The following DUSP13B variants were observed in gnomAD, a reference collection of about 807,000 sequenced individuals.
DUSP13B encodes the protein dual specificity protein phosphatase 13B.
chr10:75,101,747 G>A, the DUSP13B span: 43 of 604,038 alleles, frequency 7.1e-5, no homozygotes, highest in Admixed American at 1.9e-4. Flanking sequence ...TGACCCAGTC[G>A]GTTCTCTACC....
At chr10:75,101,862 C>G in the DUSP13B span, 3 of 1,366,202 alleles carry the variant, frequency 2.2e-6, no homozygotes, top group East Asian at 9.1e-5. Flanking sequence ...GGAGCACTCA[C>G]CCACCTGTGG....
the DUSP13B span, among the ~76,000 whole-genome samples, chr10:75,104,713 C>G: frequency 6.6e-6 from 1 of 152,166 alleles, no homozygotes; most frequent in Non-Finnish European, 1.5e-5. Flanking sequence ...AGCTATAACC[C>G]AAAGTTTCTT....
the DUSP13B span, among the ~76,000 whole-genome samples, chr10:75,106,301 C>T: frequency 6.6e-6 from 1 of 151,860 alleles, no homozygotes; most frequent in Non-Finnish European, 1.5e-5. Flanking sequence ...GATTGTCCCT[C>T]CCCCACCTTC....
At chr10:75,099,012 C>T in the DUSP13B span, 1 of 1,232,278 alleles carries the variant, frequency 8.1e-7, no homozygotes. Flanking sequence ...GCCTACAGGC[C>T]CTGGGTTTTC....
chr10:75,095,460 G>A, the DUSP13B span: 47,398 of 903,998 alleles, frequency 0.052, 2,457 homozygotes, highest in South Asian at 0.21. Flanking sequence ...TATGGAGTGG[G>A]AGGGTTACTG....
chr10:75,101,119 G>T, the DUSP13B span, among the ~76,000 whole-genome samples: 2 of 152,192 alleles, frequency 1.3e-5, no homozygotes, highest in Non-Finnish European at 2.9e-5. Flanking sequence ...GGTGGCGTGT[G>T]GCTGCCAGTG....
the DUSP13B span, chr10:75,095,690 A>G: frequency 6.2e-7 from 1 of 1,614,212 alleles, no homozygotes; most frequent in Non-Finnish European, 8.5e-7. Flanking sequence ...GGGACATTCC[A>G]CGGTAGAATT....
chr10:75,097,806 T>A, the DUSP13B span: 1 of 1,613,932 alleles, frequency 6.2e-7, no homozygotes, highest in South Asian at 1.1e-5. Flanking sequence ...GAAGCCAATG[T>A]GGGCGGCTGG....
the DUSP13B span, among the ~76,000 whole-genome samples, chr10:75,108,755 T>C: frequency 6.6e-6 from 1 of 152,160 alleles, no homozygotes; most frequent in African/African-American, 2.4e-5. Flanking sequence ...TTGACAGTTG[T>C]CCTGGAAATG....
the DUSP13B span, chr10:75,098,976 G>A: frequency 8.1e-7 from 1 of 1,232,076 alleles, no homozygotes; most frequent in Non-Finnish European, 1.0e-6. Context: ...CCTCAAGGGA[G>A]CCTGGTACTG....
At chr10:75,094,758 C>A in the DUSP13B span, 1 of 1,614,142 alleles carries the variant, frequency 6.2e-7, no homozygotes, top group Admixed American at 1.7e-5. Context: ...GCAGATATTG[C>A]GGTGGGCCTG....
At chr10:75,108,504 C>G in the DUSP13B span, among the ~76,000 whole-genome samples, 1 of 152,194 alleles carries the variant, frequency 6.6e-6, no homozygotes, top group Non-Finnish European at 1.5e-5. Flanking sequence ...GCCCTGGAAC[C>G]TGGCTGCCCC....
chr10:75,105,778 C>T, the DUSP13B span: 106 of 1,551,498 alleles, frequency 6.8e-5, 1 homozygote, highest in Middle Eastern at 8.0e-4. Flanking sequence ...CACCGCCTGG[C>T]GCAGGGACAG....
At chr10:75,095,970 T>A in the DUSP13B span, among the ~76,000 whole-genome samples, 1 of 152,194 alleles carries the variant, frequency 6.6e-6, no homozygotes, top group Non-Finnish European at 1.5e-5. Context: ...AGACTCCTTT[T>A]CGGGCTGGGT....
chr10:75,094,970 A>AT, the DUSP13B span: 3 of 1,113,016 alleles, frequency 2.7e-6, no homozygotes, highest in Non-Finnish European at 3.9e-6. Context: ...CCTCTACAGT[A>AT]TCCTGGAATA....
the DUSP13B span, chr10:75,097,880 T>C: frequency 6.2e-7 from 1 of 1,602,298 alleles, no homozygotes; most frequent in Non-Finnish European, 8.5e-7. Context: ...CTGCAGTGAG[T>C]CCATCCTGGA....
chr10:75,105,919 A>G, the DUSP13B span: 4 of 1,515,804 alleles, frequency 2.6e-6, no homozygotes, highest in Non-Finnish European at 3.6e-6. Context: ...CGGCCCACCC[A>G]CGGGCTGGGA....
At chr10:75,099,035 A>C in the DUSP13B span, 2 of 1,232,176 alleles carry the variant, frequency 1.6e-6, no homozygotes, top group South Asian at 4.1e-5. Context: ...CCTTACCCCC[A>C]CGACTCAGGC....
At chr10:75,104,041 G>A in the DUSP13B span, 29 of 1,363,328 alleles carry the variant, frequency 2.1e-5, no homozygotes, top group African/African-American at 3.0e-4. Flanking sequence ...GCACCAGCAG[G>A]ATCAGTGCCA....
Sources: gnomAD v4.1 joint callset for allele counts (sites outside exome capture counted in the v4.1 genomes callset) on GRCh38, gnomAD v4.1.1 for gene constraint, MANE v1.5 for transcripts, NCBI Gene and HGNC (gene_info 2026-07-23, HGNC 2026-07-21) for gene names.